Variants in FAM3B observed in about 807,000 individuals in gnomAD.
FAM3B encodes protein FAM3B.
In FAM3B, 29 loss-of-function variants were observed where a neutral mutation model predicts 28.4. That is an observed-to-expected ratio of 1.02 (90% confidence interval 0.76 to 1.39). The LOEUF is 1.39. FAM3B is among the 40% of genes most tolerant of loss of function. The probability of loss-of-function intolerance (pLI) is 0.00; values close to 1 mark genes in which losing one functional copy is unlikely to be tolerated. For missense variants in FAM3B, 266 were observed against 293.9 expected (o/e 0.91, Z 0.69); for synonymous variants, 91 against 103.0 (o/e 0.88, Z 0.71).
At chr21:41,305,730 A>G (rs552705047) in intron 1 of FAM3B, among the ~76,000 whole-genome samples, 1 of 152,266 alleles carries the variant, frequency 6.6e-6, no homozygotes, top group Non-Finnish European at 1.5e-5. Context: ...AAAAGTGCCA[A>G]CGTTCATCTG....
intron 2 of FAM3B, among the ~76,000 whole-genome samples, chr21:41,334,533 T>C (rs997888320): frequency 4.0e-5 from 6 of 151,720 alleles, no homozygotes; most frequent in African/African-American, 1.5e-4. Context: ...GCCTGGGGGG[T>C]ATTCACATGA....
intron 3 of FAM3B, among the ~76,000 whole-genome samples, chr21:41,342,304 C>A (rs1281548538): frequency 6.6e-6 from 1 of 152,300 alleles, no homozygotes; most frequent in South Asian, 2.1e-4. Context: ...AACATTTGTA[C>A]TCCAATGTGT....
chr21:41,310,295 C>G (rs2088702342), intron 1 of FAM3B, among the ~76,000 whole-genome samples: 1 of 152,138 alleles, frequency 6.6e-6, no homozygotes, highest in South Asian at 2.1e-4. Flanking sequence ...CATACACACT[C>G]TTTTGGCCAC....
chr21:41,325,517 A>G (rs1727869015), intron 2 of FAM3B, among the ~76,000 whole-genome samples: 1 of 152,224 alleles, frequency 6.6e-6, no homozygotes, highest in Non-Finnish European at 1.5e-5. Flanking sequence ...TTCCCAAATC[A>G]GGAAGTATTT....
chr21:41,349,632 A>C (rs1167027726), intron 7 of FAM3B, among the ~76,000 whole-genome samples: 1 of 152,170 alleles, frequency 6.6e-6, no homozygotes, highest in East Asian at 1.9e-4. Flanking sequence ...AAAGACAAGC[A>C]ACAGAAGCAG....
At chr21:41,328,960 A>G in intron 2 of FAM3B, among the ~76,000 whole-genome samples, 1 of 152,246 alleles carries the variant, frequency 6.6e-6, no homozygotes, top group African/African-American at 2.4e-5. Flanking sequence ...AGTTTTCTCC[A>G]GCAGGCCCTT....
chr21:41,316,733 A>C, upstream of FAM3B: 9 of 633,766 alleles, frequency 1.4e-5, no homozygotes, highest in Non-Finnish European at 9.2e-6. Flanking sequence ...CGCACCTGCC[A>C]TTTGCCCGAC....
At position 41,323,013 on chromosome 21, in the gene FAM3B, T is replaced by C. The variant is rs761087989; in HGVS notation, c.110T>C (p.Leu37Pro). The C allele has an allele frequency of 1.9e-6, 3 of 1,610,032 alleles. No homozygotes were observed. The African/African-American group carries it at 4.0e-5, about 21-fold the overall frequency. The change falls in exon 2 of 8, where the codon CTG (leucine) becomes CCG (proline). Residue 37 changes from leucine (L) to proline (P), a missense_variant. Physicochemically the swap from Leu to Pro is moderately conservative, Grantham distance 98. Coordinates refer to ENST00000357985, the MANE Select transcript of FAM3B (RefSeq NM_058186.4). ...GCAGAGCTCATTCCAGATGCACCCC[T>C]GTCCAGTGCTGCCTATAGCATCCGC... is the stretch of plus-strand genomic sequence containing the variant. ...LLAELIPDAP[L>P]SSAAYSIRSI...
intron 2 of FAM3B, among the ~76,000 whole-genome samples, chr21:41,336,819 C>T (rs983760452): frequency 1.3e-5 from 2 of 152,180 alleles, no homozygotes; most frequent in African/African-American, 4.8e-5. Flanking sequence ...CCTTTATTAT[C>T]ATATAATTAC....
At chr21:41,349,833 C>A (rs1156623410) in intron 7 of FAM3B, among the ~76,000 whole-genome samples, 1 of 152,194 alleles carries the variant, frequency 6.6e-6, no homozygotes, top group African/African-American at 2.4e-5. Flanking sequence ...CATGCATCTA[C>A]ACAAGCATGC....
rs1158320960 is a variant in FAM3B, at chr21:41,316,867, CG to C, written c.-11del. On this transcript the variant is annotated 5_prime_UTR_variant, in exon 1 of 8. Coordinates refer to ENST00000357985, the MANE Select transcript of FAM3B (RefSeq NM_058186.4). ...GCTGCCGCCAGGGCCAGGAGGGGAG[CG>C]GCACCTGGAAGATGCGCCCATTGGC... 1 of 1,424,200 alleles carries C rather than the reference CG, an allele frequency of 7.0e-7. No individual in the cohort carries two copies. Among genetic ancestry groups the C allele is most frequent in the Non-Finnish European group, 9.2e-7 (1 of 1,091,242 alleles). The allele number at this position is 1,424,200 out of a possible 1,614,324, so 88.2% of individuals were successfully genotyped here. A position where few individuals can be genotyped will look rare whatever the true frequency, so the allele number is the denominator to read the frequency against.
chr21:41,334,714 T>C (rs959581398), intron 2 of FAM3B, among the ~76,000 whole-genome samples: 20 of 152,180 alleles, frequency 1.3e-4, no homozygotes, highest in Admixed American at 1.3e-3. Flanking sequence ...TTCACACTAG[T>C]CCCCACTGGA....
chr21:41,340,523 C>A (rs1238904027), intron 3 of FAM3B, among the ~76,000 whole-genome samples: 2 of 152,172 alleles, frequency 1.3e-5, no homozygotes, highest in Non-Finnish European at 2.9e-5. Context: ...AGGGCAGAGT[C>A]CTCATGGCCT....
chr21:41,357,218 A>G lies in FAM3B; in HGVS notation c.*21A>G, dbSNP rs776532771. 10 of 1,555,970 alleles carry G rather than the reference A, an allele frequency of 6.4e-6. No homozygotes were observed. In the South Asian group the frequency reaches 8.0e-5, roughly 12 times the overall value. ...GCTGACACTGCAGGGTCCTGAGTAA[A>G]TGTGTTCTGTATAAACAAATGCAGC... On this transcript the variant is annotated 3_prime_UTR_variant, in exon 8 of 8. Transcript: ENST00000357985.
At chr21:41,349,897 C>A (rs1018707492) in intron 7 of FAM3B, among the ~76,000 whole-genome samples, 1 of 152,198 alleles carries the variant, frequency 6.6e-6, no homozygotes, top group Non-Finnish European at 1.5e-5. Flanking sequence ...CCCTGCAGAA[C>A]GTGTAGGGAA....
intron 7 of FAM3B, 97 bp downstream of exon 7, chr21:41,348,821 C>A: frequency 1.5e-6 from 2 of 1,352,048 alleles, no homozygotes; most frequent in African/African-American, 1.4e-5. Flanking sequence ...CGTCTCCAAA[C>A]ATAAGAGTTG....
intron 2 of FAM3B, among the ~76,000 whole-genome samples, chr21:41,334,594 C>T (rs2088936477): frequency 6.6e-6 from 1 of 152,184 alleles, no homozygotes; most frequent in African/African-American, 2.4e-5. Context: ...TGGGAGGCTC[C>T]ACCTAGATTT....
At chr21:41,344,851 C>G (rs1401528557) in intron 4 of FAM3B, among the ~76,000 whole-genome samples, 3 of 152,210 alleles carry the variant, frequency 2.0e-5, no homozygotes, top group Non-Finnish European at 4.4e-5. Context: ...GACTGAGCCT[C>G]TCATTTGCTC....
At chr21:41,319,983 A>G (rs1297822583) in intron 1 of FAM3B, 2 of 152,124 alleles carry the variant, frequency 1.3e-5, no homozygotes, top group African/African-American at 4.8e-5. Flanking sequence ...AGAAGAGGAG[A>G]TGAGGACACC....
Sources: gnomAD v4.1 joint callset for allele counts (sites outside exome capture counted in the v4.1 genomes callset) on GRCh38, gnomAD v4.1.1 for gene constraint, MANE v1.5 for transcripts, NCBI Gene and HGNC (gene_info 2026-07-23, HGNC 2026-07-21) for gene names.